KIFAP3: variants seen among roughly 807,000 people sequenced by gnomAD.
KIFAP3 encodes the protein kinesin-associated protein 3.
KIFAP3 carries 68 observed loss-of-function variants against 106.5 expected under a neutral mutation model. The ratio of observed to expected loss-of-function variants is 0.64; its 90% CI spans 0.53 to 0.78. The LOEUF is 0.78. KIFAP3 is among the 30% of genes least tolerant of loss of function. KIFAP3 has a pLI of 0.00. For missense variants in KIFAP3, 780 were observed against 941.8 expected (o/e 0.83, Z 2.25); for synonymous variants, 320 against 311.5 (o/e 1.03, Z -0.29).
chr1:170,028,039 T>C (rs1180805649), intron 8 of KIFAP3, among the ~76,000 whole-genome samples: 1 of 151,916 alleles, frequency 6.6e-6, no homozygotes, highest in African/African-American at 2.4e-5. Context: ...CAACCTAGAG[T>C]TCTAAACCCA....
At chr1:170,074,831 T>TATA, upstream of KIFAP3, 1 of 996,214 alleles carries the variant, frequency 1.0e-6, no homozygotes, top group East Asian at 5.3e-5. Flanking sequence ...AGCGTCCGTG[T>TATA]ATAAGGAGTG....
chr1:169,980,716 A>G (rs1307464408), intron 15 of KIFAP3, among the ~76,000 whole-genome samples: 2 of 152,200 alleles, frequency 1.3e-5, no homozygotes, highest in Non-Finnish European at 2.9e-5. Flanking sequence ...ATCAGCTTCC[A>G]AATGGACCTT....
chr1:170,074,772 G>A, upstream of KIFAP3: 1 of 1,235,036 alleles, frequency 8.1e-7, no homozygotes, highest in Non-Finnish European at 1.0e-6. Flanking sequence ...GGTGGCCTCA[G>A]AGTTTGACGC....
chr1:170,019,218 A>T (rs1352891854), intron 9 of KIFAP3, among the ~76,000 whole-genome samples: 1 of 152,138 alleles, frequency 6.6e-6, no homozygotes, highest in East Asian at 1.9e-4. Context: ...TTCCAGGCCT[A>T]CATGACTTTT....
At chr1:169,992,005 G>A (rs1437224903) in intron 11 of KIFAP3, 150 bp downstream of exon 11, 10 of 401,390 alleles carry the variant, frequency 2.5e-5, no homozygotes, top group Non-Finnish European at 4.0e-5. Flanking sequence ...TTTTTATACA[G>A]TTCTGTACTT....
chr1:170,044,057 C>T (rs1325817081), intron 3 of KIFAP3, among the ~76,000 whole-genome samples: 1 of 152,046 alleles, frequency 6.6e-6, no homozygotes, highest in East Asian at 1.9e-4. Context: ...GCTGGGAACC[C>T]AAATCCCTTT....
chr1:169,989,451 G>C (rs1470176068), intron 11 of KIFAP3, among the ~76,000 whole-genome samples: 1 of 151,902 alleles, frequency 6.6e-6, no homozygotes, highest in African/African-American at 2.4e-5. Context: ...ATGAAGTTCT[G>C]ACTCTAAATG....
intron 18 of KIFAP3, among the ~76,000 whole-genome samples, chr1:169,960,260 G>A (rs915093798): frequency 1.3e-5 from 2 of 152,034 alleles, no homozygotes; most frequent in African/African-American, 2.4e-5. Flanking sequence ...AAAATAAGGT[G>A]AGTCACTAAT....
At chr1:170,060,874 C>T (rs1457188727) in intron 1 of KIFAP3, among the ~76,000 whole-genome samples, 1 of 151,458 alleles carries the variant, frequency 6.6e-6, no homozygotes, top group Non-Finnish European at 1.5e-5. Flanking sequence ...ACAACAATCT[C>T]ATCTTTGACA....
At chr1:169,940,017 T>C (rs1664020994) in intron 19 of KIFAP3, among the ~76,000 whole-genome samples, 1 of 152,188 alleles carries the variant, frequency 6.6e-6, no homozygotes, top group Admixed American at 6.5e-5. Context: ...TTTATGTTTA[T>C]ATGTTGACAG....
In KIFAP3 at chr1:169,981,895, C is replaced by G. The variant is rs557948761; in HGVS notation, c.1798+77G>C. 540 of 1,196,606 alleles carry G rather than the reference C, an allele frequency of 4.5e-4. 2 individuals carry two copies. The African/African-American group carries it at 7.9e-3, about 17-fold the overall frequency. 74.1% of individuals were successfully genotyped at this position (1,196,606 alleles called of 1,614,324 possible). A position where few individuals can be genotyped will look rare whatever the true frequency, so the allele number is the denominator to read the frequency against. On this transcript the variant is annotated intron_variant, in intron 15 of 19. Transcript: ENST00000361580. ...TGTAATGAGAAAAACAGATTACAGA[C>G]TCTGCATTTTATATTTAAATATTTA...
intron 5 of KIFAP3, 73 bp from the exon 6 acceptor site, chr1:170,035,626 T>C (rs1669651229): frequency 6.8e-6 from 6 of 885,698 alleles, no homozygotes; most frequent in Non-Finnish European, 1.7e-6. Context: ...GTTTTAAATG[T>C]CTAGTTATTA....
chr1:170,005,461 T>A (rs1006394461), intron 10 of KIFAP3, among the ~76,000 whole-genome samples: 3 of 151,990 alleles, frequency 2.0e-5, no homozygotes, highest in Non-Finnish European at 4.4e-5. Flanking sequence ...CCAACCCAGA[T>A]GTCCAACAAT....
In KIFAP3 at chr1:169,984,676, C is replaced by G. The variant is rs771137762; in HGVS notation, c.1299G>C (p.Leu433=). The part of the protein sequence containing the change: ...TDCIPQLMKM[L]FECSDERIDL... ...CAATTCGTTCATCTGAACATTCAAA[C>G]AGCATCTTCATTAACTAGCAAGAAG... Residue 433 remains leucine (L), a synonymous_variant, in exon 12 of 20, where the codon CTG becomes CTC. Coordinates refer to ENST00000361580, the MANE Select transcript of KIFAP3 (RefSeq NM_014970.4). 1.9e-6 allele frequency: 3 copies of G among 1,595,630 alleles called. No individual in the cohort carries two copies. The highest frequency in any genetic ancestry group is 2.2e-5 in the South Asian group (2 of 89,464).
chr1:169,922,424 C>T (rs1416958813), intron 19 of KIFAP3, among the ~76,000 whole-genome samples: 3 of 152,092 alleles, frequency 2.0e-5, no homozygotes, highest in Non-Finnish European at 4.4e-5. Flanking sequence ...GACAGCAAGA[C>T]AATTACAAAT....
chr1:169,933,575 T>A (rs559627917), intron 19 of KIFAP3, among the ~76,000 whole-genome samples: 3 of 152,212 alleles, frequency 2.0e-5, no homozygotes, highest in African/African-American at 7.2e-5. Context: ...GGTCACACTT[T>A]GCATTGACAT....
At chr1:170,060,567 G>A (rs551335648) in intron 1 of KIFAP3, among the ~76,000 whole-genome samples, 111 of 152,244 alleles carry the variant, frequency 7.3e-4, no homozygotes, top group East Asian at 2.3e-3. Context: ...AATCAATATC[G>A]TGAAAATGGC....
At chr1:169,934,548 G>A (rs1471558439) in intron 19 of KIFAP3, among the ~76,000 whole-genome samples, 1 of 152,010 alleles carries the variant, frequency 6.6e-6, no homozygotes, top group Non-Finnish European at 1.5e-5. Context: ...CAGGTTTACT[G>A]CCAGTGTTGG....
At chr1:170,071,010 G>A (rs1671681511) in intron 1 of KIFAP3, among the ~76,000 whole-genome samples, 1 of 152,046 alleles carries the variant, frequency 6.6e-6, no homozygotes. Context: ...TAGTAATTAG[G>A]GAAAGGCAAA....
Sources: gnomAD v4.1 joint callset for allele counts (sites outside exome capture counted in the v4.1 genomes callset) on GRCh38, gnomAD v4.1.1 for gene constraint, MANE v1.5 for transcripts, NCBI Gene and HGNC (gene_info 2026-07-23, HGNC 2026-07-21) for gene names.